SREBF1: variants seen among roughly 807,000 people sequenced by gnomAD.
SREBF1 encodes sterol regulatory element binding transcription factor 1.
SREBF1 carries 45 observed loss-of-function variants against 100.1 expected under a neutral mutation model. The observed-to-expected ratio is 0.45, with a 90% CI of 0.35 to 0.58. The LOEUF (loss-of-function observed/expected upper bound fraction) is 0.58. SREBF1 is among the 20% of genes least tolerant of loss of function. SREBF1 has a pLI of 0.00. For synonymous variants in SREBF1, 657 were observed against 681.8 expected (o/e 0.96, Z 0.57); for missense variants, 1,324 against 1,539.4 (o/e 0.86, Z 2.34).
Position 17,816,505 on chromosome 17 carries a change from G to A in SREBF1, c.1999C>T (p.Arg667Ter), listed in dbSNP as rs750206827. ...TTATGGTAGACCAGGGCTGCGTCTC[G>A]GGCGCTGGCGCTAGCATCCACTCGC... is the stretch of plus-strand genomic sequence containing the variant. ...ALRVDASASA[R>*]DAALVYHKLH... Residue 667 changes from arginine to a stop codon, truncating the protein, a stop_gained, in exon 10 of 19, where the codon CGA becomes TGA. Coordinates refer to ENST00000261646, the MANE Select transcript of SREBF1 (RefSeq NM_004176.5). LOFTEE classifies it high-confidence loss of function. 7 of 1,603,324 alleles carry A rather than the reference G, an allele frequency of 4.4e-6. No homozygotes were observed. The highest frequency in any genetic ancestry group is 2.3e-5 in the East Asian group (1 of 44,412).
chr17:17,819,695 A>G lies in SREBF1; in HGVS notation c.554T>C (p.Leu185Pro). The G allele has an allele frequency of 6.2e-7, 1 of 1,609,408 alleles. No individual in the cohort carries two copies. The highest frequency in any genetic ancestry group is 8.5e-7 in the Non-Finnish European group (1 of 1,178,960). ...CGGGGAAGCCAGTGGCAGGCCAGGC[A>G]GCGGCTGCTGGGTGTTCCCGGGAGG... ...GSPPGNTQQP[L>P]PGLPLASPPG... The change falls in exon 3 of 19, where the codon CTG (leucine) becomes CCG (proline). Residue 185 changes from leucine to proline, a missense_variant. Coordinates refer to ENST00000261646, the MANE Select transcript of SREBF1 (RefSeq NM_004176.5).
chr17:17,835,345 G>C (rs1055515416), intron 1 of SREBF1, among the ~76,000 whole-genome samples: 1 of 152,180 alleles, frequency 6.6e-6, no homozygotes. Flanking sequence ...GGATAGGGGA[G>C]GCTGTTTTGG....
intron 1 of SREBF1, among the ~76,000 whole-genome samples, chr17:17,822,744 C>G (rs986814493): frequency 1.3e-5 from 2 of 152,374 alleles, no homozygotes; most frequent in Admixed American, 6.5e-5. Context: ...CTCATCTGTA[C>G]AACAGAAAAG....
chr17:17,813,111 A>G (rs900475489), intron 18 of SREBF1: 5 of 602,720 alleles, frequency 8.3e-6, no homozygotes, highest in African/African-American at 7.4e-5. Context: ...GTCATCAGGT[A>G]ACCATCAAGA....
At chr17:17,834,025 C>CAGAGAGAGAGAGAGAG (rs113396102) in intron 1 of SREBF1, among the ~76,000 whole-genome samples, 13 of 147,610 alleles carry the variant, frequency 8.8e-5, no homozygotes, top group African/African-American at 3.3e-4. Flanking sequence ...CATATAAACA[C>CAGAGAGAGAGAGAGAG]ACAGAGAGAG....
chr17:17,811,475 C>A lies in SREBF1; in HGVS notation c.*1147G>T, dbSNP rs1192343662. ...AAAATCTGCAGCCCGTGGATTCCGACCAGATTCAGCTGGGAGCCGGGCCAG... is the reference window on the plus strand; with the variant it reads ...AAAATCTGCAGCCCGTGGATTCCGAACAGATTCAGCTGGGAGCCGGGCCAG... On this transcript the variant is annotated 3_prime_UTR_variant, in exon 19 of 19. Transcript: ENST00000261646. The A allele has an allele frequency of 8.8e-5, 21 of 237,992 alleles. No homozygotes were observed. The highest frequency in any genetic ancestry group is 5.8e-5 in the Non-Finnish European group (7 of 120,932). 14.7% of individuals were successfully genotyped at this position (237,992 alleles called of 1,614,324 possible).
At chr17:17,827,190 G>A (rs1182109973) in intron 1 of SREBF1, among the ~76,000 whole-genome samples, 3 of 152,206 alleles carry the variant, frequency 2.0e-5, no homozygotes, top group Non-Finnish European at 1.5e-5. Flanking sequence ...GGCCAGGACG[G>A]CCACCAAGGA....
chr17:17,815,782 G>A, intron 12 of SREBF1, 78 bp downstream of exon 12: 1 of 1,474,598 alleles, frequency 6.8e-7, no homozygotes, highest in Non-Finnish European at 9.3e-7. Flanking sequence ...GAGACAGCCA[G>A]AGATTCAGGC....
intron 1 of SREBF1, among the ~76,000 whole-genome samples, chr17:17,830,962 C>T (rs2034823721): frequency 6.6e-6 from 1 of 152,264 alleles, no homozygotes; most frequent in African/African-American, 2.4e-5. Context: ...CTCCACCTGT[C>T]AGCAGGCAAA....
chr17:17,833,617 T>A (rs1465022525), intron 1 of SREBF1, among the ~76,000 whole-genome samples: 1 of 151,698 alleles, frequency 6.6e-6, no homozygotes, highest in Non-Finnish European at 1.5e-5. Context: ...TAACTAAAAA[T>A]CATTGAATGA....
In SREBF1 at chr17:17,836,907, C is replaced by A. The variant is rs2035280388; in HGVS notation, c.-90G>T. The A allele has an allele frequency of 1.9e-5, 23 of 1,207,652 alleles. 1 individual carries two copies. The highest frequency in any genetic ancestry group is 8.4e-5 in the South Asian group (5 of 59,730). 74.8% of individuals were successfully genotyped at this position (1,207,652 alleles called of 1,614,324 possible). A position where few individuals can be genotyped will look rare whatever the true frequency, so the allele number is the denominator to read the frequency against. On this transcript the variant is annotated 5_prime_UTR_variant, in exon 1 of 19. Transcript: ENST00000261646. ...CGCCGCCGCGGCCCCGGCTCTCAGT[C>A]GCCGCCGCCGCTCCGCGCGTTCGTG...
At chr17:17,816,742 G>A (rs959884297) in intron 9 of SREBF1, 24 bp from the exon 10 acceptor site, 2 of 1,569,390 alleles carry the variant, frequency 1.3e-6, no homozygotes, top group African/African-American at 2.7e-5. Flanking sequence ...TTTTCCAGGT[G>A]AGAAAAGTGA....
At chr17:17,827,889 C>A (rs2034588944) in intron 1 of SREBF1, among the ~76,000 whole-genome samples, 1 of 152,308 alleles carries the variant, frequency 6.6e-6, no homozygotes. Flanking sequence ...AGTGCAAAGA[C>A]AGAGAGGACA....
chr17:17,823,633 A>AGG (rs775938228), intron 1 of SREBF1: 4 of 1,593,644 alleles, frequency 2.5e-6, no homozygotes, highest in Non-Finnish European at 3.4e-6. Context: ...GGATTTTTGA[A>AGG]GCCGTTGAGC....
chr17:17,812,095 TTAATTCTCTG>T lies in SREBF1; in HGVS notation c.*517_*526del. 1 of 432,644 alleles carries T rather than the reference TTAATTCTCTG, an allele frequency of 2.3e-6. No homozygotes were observed. The highest frequency in any genetic ancestry group is 4.5e-6 in the Non-Finnish European group (1 of 221,654). The allele number at this position is 432,644 out of a possible 1,614,324, so 26.8% of individuals were successfully genotyped here. On this transcript the variant is annotated 3_prime_UTR_variant, in exon 19 of 19. Coordinates refer to ENST00000261646, the MANE Select transcript of SREBF1 (RefSeq NM_004176.5). Reference sequence around the variant, plus strand: ...ACCCAGATTATAAATAATTTCATTTTTAATTCTCTGTACAAAACTTCTCAATCTATGAAAA... The same window carrying T: ...ACCCAGATTATAAATAATTTCATTTTTACAAAACTTCTCAATCTATGAAAA...
At chr17:17,833,686 T>C (rs1020837265) in intron 1 of SREBF1, among the ~76,000 whole-genome samples, 6 of 151,768 alleles carry the variant, frequency 4.0e-5, no homozygotes, top group Non-Finnish European at 8.8e-5. Flanking sequence ...AAGTCGTTTT[T>C]AAAAAATTGA....
chr17:17,821,577 T>C (rs1204603204), intron 1 of SREBF1, among the ~76,000 whole-genome samples: 2 of 152,180 alleles, frequency 1.3e-5, no homozygotes, highest in Non-Finnish European at 2.9e-5. Context: ...TAGAAACTGC[T>C]GAGGAGTGGG....
rs979193328 is a variant in SREBF1 at position 17,836,953 on chromosome 17, C to A, written c.-136G>T. 3 of 737,296 alleles carry A rather than the reference C, an allele frequency of 4.1e-6. No individual in the cohort carries two copies. The highest frequency in any genetic ancestry group is 5.9e-6 in the Non-Finnish European group (3 of 506,146). The allele number at this position is 737,296 out of a possible 1,614,324, so 45.7% of individuals were successfully genotyped here. ...TCGTGTCCTGCCCTGGCCTCAGAGG[C>A]GGCCCGGCGCCGGCGAAAAGTTCCT... On this transcript the variant is annotated 5_prime_UTR_variant, in exon 1 of 19. Coordinates refer to ENST00000261646, the MANE Select transcript of SREBF1 (RefSeq NM_004176.5).
chr17:17,814,018 C>G, intron 16 of SREBF1: 1 of 654,950 alleles, frequency 1.5e-6, no homozygotes. Context: ...CCTACCACAC[C>G]ATCCACCCCC....
Sources: gnomAD v4.1 joint callset for allele counts (sites outside exome capture counted in the v4.1 genomes callset) on GRCh38, gnomAD v4.1.1 for gene constraint, MANE v1.5 for transcripts, NCBI Gene and HGNC (gene_info 2026-07-23, HGNC 2026-07-21) for gene names.